The following SERPINB8 variants were observed in gnomAD, a reference collection of about 807,000 sequenced individuals.
SERPINB8 encodes serpin B8.
In SERPINB8, 25 loss-of-function variants were observed where a neutral mutation model predicts 35.3. That is an observed-to-expected ratio of 0.71 (90% CI 0.52 to 0.99). The LOEUF is 0.99. Among genes scored for constraint, SERPINB8 ranks in the 50% least tolerant of loss-of-function variants. The pLI is 0.00. For synonymous variants in SERPINB8, 186 were observed against 160.8 expected (o/e 1.16, Z -1.19); for missense variants, 484 against 446.5 (o/e 1.08, Z -0.76).
At chr18:63,971,431 G>C (rs936888716) in intron 1 of SERPINB8, among the ~76,000 whole-genome samples, 1 of 152,132 alleles carries the variant, frequency 6.6e-6, no homozygotes, top group Admixed American at 6.5e-5. Context: ...TGTGTTCCAC[G>C]CATCTCAAAT....
exon 8 of SERPINB8, chr18:64,019,087 G>A (rs1441838469): frequency 6.6e-6 from 1 of 152,202 alleles, no homozygotes; most frequent in East Asian, 1.9e-4. Context: ...TCCTTCAGAT[G>A]TCTGCAGGCA....
Position 63,970,142 on chromosome 18 carries a change from G to A in SERPINB8, c.-39G>A, listed in dbSNP as rs1599119064. 2 of 368,500 alleles carry A rather than the reference G, an allele frequency of 5.4e-6. No homozygotes were observed. The highest frequency in any genetic ancestry group is 2.1e-5 in the South Asian group (1 of 48,580). 22.8% of individuals were successfully genotyped at this position (368,500 alleles called of 1,614,324 possible). A position where few individuals can be genotyped will look rare whatever the true frequency, so the allele number is the denominator to read the frequency against. ...TAGTCAAAGCAGCAGCGGCGGCGGCGGCGGCGGCAGCAGCAGCAGCAGCAG... is the reference window on the plus strand; with the variant it reads ...TAGTCAAAGCAGCAGCGGCGGCGGCAGCGGCGGCAGCAGCAGCAGCAGCAG... On this transcript the variant is annotated 5_prime_UTR_variant, in exon 1 of 7. Coordinates refer to ENST00000397985, the MANE Select transcript of SERPINB8 (RefSeq NM_002640.4).
chr18:64,004,358 T>C (rs1382652600), intron 1 of SERPINB8, among the ~76,000 whole-genome samples: 1 of 152,096 alleles, frequency 6.6e-6, no homozygotes, highest in Non-Finnish European at 1.5e-5. Flanking sequence ...GTAAGTTGAA[T>C]TGATATAAAA....
chr18:64,015,193 G>T (rs1354669747), intron 7 of SERPINB8, among the ~76,000 whole-genome samples: 1 of 152,092 alleles, frequency 6.6e-6, no homozygotes, highest in Non-Finnish European at 1.5e-5. Context: ...CAGTTGTGGG[G>T]GTGGACAAAT....
chr18:63,972,790 TCATC>T (rs2050509703), intron 1 of SERPINB8, among the ~76,000 whole-genome samples: 1 of 152,204 alleles, frequency 6.6e-6, no homozygotes, highest in African/African-American at 2.4e-5. Context: ...GTTTCCAGCT[TCATC>T]CATGTCCCTA....
At chr18:64,017,485 A>T (rs770567422) in intron 7 of SERPINB8, among the ~76,000 whole-genome samples, 3 of 152,202 alleles carry the variant, frequency 2.0e-5, no homozygotes, top group Non-Finnish European at 2.9e-5. Context: ...TGATGAAGTT[A>T]ACAAAAAGAA....
chr18:63,984,430 C>A (rs1448094420), intron 5 of SERPINB8, among the ~76,000 whole-genome samples: 3 of 152,044 alleles, frequency 2.0e-5, no homozygotes, highest in African/African-American at 7.2e-5. Flanking sequence ...CAATCCTGAG[C>A]ACAAGAAAAA....
intron 6 of SERPINB8, 106 bp from the exon 7 acceptor site, chr18:63,986,768 A>G: frequency 7.2e-7 from 1 of 1,396,650 alleles, no homozygotes; most frequent in Non-Finnish European, 9.7e-7. Flanking sequence ...CTTGGACCAG[A>G]ACTCACCATC....
At chr18:63,990,144 C>T (rs2050817289), downstream of SERPINB8, among the ~76,000 whole-genome samples, 2 of 145,842 alleles carry the variant, frequency 1.4e-5, no homozygotes, top group African/African-American at 2.5e-5. Flanking sequence ...GGCACGATCT[C>T]GGCTCACTGC....
chr18:64,002,381 T>C (rs2050879716), intron 1 of SERPINB8, among the ~76,000 whole-genome samples: 1 of 152,140 alleles, frequency 6.6e-6, no homozygotes, highest in African/African-American at 2.4e-5. Context: ...GGCTCCTCCC[T>C]ACTCTGAAAT....
At chr18:63,970,434 G>C (rs1205663662) in intron 1 of SERPINB8, 1 of 162,846 alleles carries the variant, frequency 6.1e-6, no homozygotes, top group African/African-American at 2.4e-5. Flanking sequence ...CGAGGGCCGG[G>C]TCCCGAGAAC....
At chr18:63,973,262 C>T (rs922227407) in intron 1 of SERPINB8, among the ~76,000 whole-genome samples, 15 of 152,162 alleles carry the variant, frequency 9.9e-5, no homozygotes, top group South Asian at 2.1e-4. Context: ...CGTTTTTTCA[C>T]GTGTCTGTTG....
At chr18:64,006,893 G>GA (rs1336154648), downstream of SERPINB8, among the ~76,000 whole-genome samples, 1 of 151,838 alleles carries the variant, frequency 6.6e-6, no homozygotes. Flanking sequence ...AAACAAGGCT[G>GA]AAAAAAACCT....
intron 2 of SERPINB8, 117 bp from the exon 3 acceptor site, chr18:63,979,674 CAATTAGGCCA>C: frequency 8.8e-7 from 1 of 1,142,398 alleles, no homozygotes; most frequent in Non-Finnish European, 1.3e-6. Context: ...CTGTGCTAGA[CAATTAGGCCA>C]AACCTTTTTA....
chr18:63,991,781 C>T (rs1334573139), downstream of SERPINB8, among the ~76,000 whole-genome samples: 1 of 152,050 alleles, frequency 6.6e-6, no homozygotes. Flanking sequence ...CATCATTAAA[C>T]GTGATATTAG....
At chr18:63,995,393 C>T (rs184551814) in intron 1 of SERPINB8, among the ~76,000 whole-genome samples, 1 of 152,186 alleles carries the variant, frequency 6.6e-6, no homozygotes, top group African/African-American at 2.4e-5. Context: ...TACCTCTGAT[C>T]CCCACAATCC....
intron 4 of SERPINB8, among the ~76,000 whole-genome samples, chr18:63,983,150 A>G (rs1198606716): frequency 6.6e-6 from 1 of 152,202 alleles, no homozygotes; most frequent in Non-Finnish European, 1.5e-5. Context: ...AATGCACAAG[A>G]CAGCCCCCAT....
At chr18:63,979,762 A>T in intron 2 of SERPINB8, 39 bp from the exon 3 acceptor site, 1 of 1,612,654 alleles carries the variant, frequency 6.2e-7, no homozygotes, top group South Asian at 1.1e-5. Flanking sequence ...GGAGAGTATA[A>T]TGGCAGCGTT....
At chr18:63,971,625 C>G (rs1269570008) in intron 1 of SERPINB8, among the ~76,000 whole-genome samples, 2 of 152,264 alleles carry the variant, frequency 1.3e-5, no homozygotes, top group South Asian at 4.1e-4. Flanking sequence ...TGCAGACAAT[C>G]CCTCTGCTTT....
Sources: allele counts gnomAD v4.1 joint callset (sites outside exome capture counted in the v4.1 genomes callset), GRCh38; gene constraint gnomAD v4.1.1; transcripts MANE v1.5; gene names NCBI Gene and HGNC (gene_info 2026-07-23, HGNC 2026-07-21).